MROH2A: variants seen among roughly 807,000 people sequenced by gnomAD.
MROH2A encodes maestro heat-like repeat-containing protein family member 2A.
A neutral mutation model predicts 200.4 loss-of-function variants in MROH2A; 174 were observed. The observed-to-expected ratio is 0.87, with a 90% CI of 0.77 to 0.98. The LOEUF is 0.98. MROH2A is among the 50% of genes least tolerant of loss of function. The pLI is 0.00. For missense variants in MROH2A, 2,045 were observed against 2,139.6 expected (o/e 0.96, Z 0.87); for synonymous variants, 829 against 840.4 (o/e 0.99, Z 0.23).
chr2:233,833,080 C>T (rs1375237239), intron 41 of MROH2A, 58 bp from the exon 42 acceptor site: 9 of 1,473,986 alleles, frequency 6.1e-6, no homozygotes, highest in Non-Finnish European at 8.1e-6. Flanking sequence ...CCAGGGCATG[C>T]AGCATGTGGT....
At chr2:233,784,894 T>A (rs1701118996) in intron 3 of MROH2A, among the ~76,000 whole-genome samples, 1 of 151,938 alleles carries the variant, frequency 6.6e-6, no homozygotes, top group Non-Finnish European at 1.5e-5. Context: ...TCATGCCACT[T>A]TGGGAGCACT....
At position 233,779,859 on chromosome 2, in the gene MROH2A, C is replaced by CCAAGG; in HGVS notation, c.276+9_276+10insAGGCA. ...CTGCCTGCAGGTGCCAGAGGTAGGG[C>CCAAGG]CATCTTACCCACTGGGCTCAGCCAC... On this transcript the variant is annotated splice_region_variant and intron_variant, in intron 3 of 41. Coordinates refer to ENST00000389758, the MANE Select transcript of MROH2A (RefSeq NM_001394639.1). The CCAAGG allele has an allele frequency of 6.5e-7, 1 of 1,547,734 alleles. No homozygotes were observed. The highest frequency in any genetic ancestry group is 8.7e-7 in the Non-Finnish European group (1 of 1,145,842).
chr2:233,779,541 C>A, intron 2 of MROH2A, 89 bp downstream of exon 2: 1 of 1,399,222 alleles, frequency 7.1e-7, no homozygotes, highest in Non-Finnish European at 9.9e-7. Context: ...TCCCTTTCTC[C>A]ATCTGCACAG....
At chr2:233,823,084 G>T (rs969250277) in intron 34 of MROH2A, 66 bp downstream of exon 34, 10 of 1,513,512 alleles carry the variant, frequency 6.6e-6, no homozygotes, top group African/African-American at 1.4e-5. Context: ...GGATGGAAGG[G>T]CTCCTTGTGA....
Position 233,779,667 on chromosome 2 carries a change from A to T in MROH2A, c.95-4A>T. On this transcript the variant is annotated splice_polypyrimidine_tract_variant and splice_region_variant and intron_variant, in intron 2 of 41. Coordinates refer to ENST00000389758, the MANE Select transcript of MROH2A (RefSeq NM_001394639.1). ...CTGCACCTGGGTGGCGTTTGTTTTCATAGGTACCTTTCAACAAGTCGTGAA... is the reference window on the plus strand; with the variant it reads ...CTGCACCTGGGTGGCGTTTGTTTTCTTAGGTACCTTTCAACAAGTCGTGAA... The T allele has an allele frequency of 6.4e-7, 1 of 1,550,926 alleles. No individual in the cohort carries two copies.
rs910385302 is a variant in MROH2A, at chr2:233,818,731, T to G, written c.3165T>G (p.Asp1055Glu). ...GTAAGGGGGACCTCCAGAGCACAGA[T>G]GTGGAGAAGATCTTCTGTGCATCCT... ...EKCKGDLQST[D>E]VEKIFCASSR... The change falls in exon 29 of 42, where the codon GAT (aspartate) becomes GAG (glutamate). Residue 1055 changes from aspartate (D) to glutamate (E), a missense_variant. By Grantham distance (45) the Asp-to-Glu change is conservative. Coordinates refer to ENST00000389758, the MANE Select transcript of MROH2A (RefSeq NM_001394639.1). 6.5e-7 allele frequency: 1 copy of G among 1,549,478 alleles called. No individual in the cohort carries two copies. Among genetic ancestry groups the G allele is most frequent in the Non-Finnish European group, 8.7e-7 (1 of 1,146,252 alleles).
chr2:233,801,064 A>G (rs1048074522), intron 14 of MROH2A, among the ~76,000 whole-genome samples: 3 of 152,224 alleles, frequency 2.0e-5, no homozygotes, highest in African/African-American at 7.2e-5. Flanking sequence ...TTATCCCAGC[A>G]ACTACCTGCA....
chr2:233,801,322 G>A (rs1236306078), intron 14 of MROH2A, among the ~76,000 whole-genome samples: 1 of 152,032 alleles, frequency 6.6e-6, no homozygotes, highest in African/African-American at 2.4e-5. Flanking sequence ...CTAGGGGTGG[G>A]GGTGGGGTGG....
chr2:233,805,668 GT>G (rs1702746309), intron 19 of MROH2A, among the ~76,000 whole-genome samples: 1 of 152,146 alleles, frequency 6.6e-6, no homozygotes, highest in African/African-American at 2.4e-5. Flanking sequence ...CACAACTGCA[GT>G]AAAACTCCTT....
chr2:233,808,154 T>G (rs774339919), intron 21 of MROH2A, among the ~76,000 whole-genome samples: 2 of 152,102 alleles, frequency 1.3e-5, no homozygotes, highest in Non-Finnish European at 2.9e-5. Flanking sequence ...TGGGTGCTGA[T>G]TGGAAATGTA....
At chr2:233,798,899 A>C in intron 12 of MROH2A, 49 bp downstream of exon 12, 1 of 1,427,028 alleles carries the variant, frequency 7.0e-7, no homozygotes, top group South Asian at 1.2e-5. Context: ...GGACCCTGCC[A>C]GGGAGGCAAA....
intron 26 of MROH2A, among the ~76,000 whole-genome samples, chr2:233,815,058 A>G (rs1300953305): frequency 6.6e-6 from 1 of 152,186 alleles, no homozygotes; most frequent in Non-Finnish European, 1.5e-5. Flanking sequence ...GATGGCCCAT[A>G]TTCAAATTTC....
At chr2:233,808,382 C>T (rs1702940148) in intron 21 of MROH2A, among the ~76,000 whole-genome samples, 1 of 152,218 alleles carries the variant, frequency 6.6e-6, no homozygotes, top group Admixed American at 6.5e-5. Context: ...GCCCATGGCC[C>T]TATCCTCTGG....
At position 233,800,234 on chromosome 2, in the gene MROH2A, G is replaced by A. The variant is rs758857468; in HGVS notation, c.1479G>A (p.Arg493=). ...LTNRREKFYQ[R]DLEERMVHKV... Reference sequence around the variant, plus strand: ...ATCGCCGGGAGAAGTTTTATCAGAGGGACTTGGAGGAGAGGATGGTCCACA... The same window carrying A: ...ATCGCCGGGAGAAGTTTTATCAGAGAGACTTGGAGGAGAGGATGGTCCACA... Residue 493 remains arginine (R), a synonymous_variant, in exon 14 of 42, where the codon AGG becomes AGA. Transcript: ENST00000389758. 2 of 1,549,812 alleles carry A rather than the reference G, an allele frequency of 1.3e-6. No individual in the cohort carries two copies. The highest frequency in any genetic ancestry group is 4.9e-5 in the East Asian group (2 of 40,912).
In MROH2A at chr2:233,818,138, A is replaced by G. The variant is rs1456420695; in HGVS notation, c.3085+13A>G. The G allele has an allele frequency of 3.9e-6, 6 of 1,549,790 alleles. No individual in the cohort carries two copies. Among genetic ancestry groups the G allele is most frequent in the Admixed American group, 2.0e-5 (1 of 50,990 alleles). On this transcript the variant is annotated intron_variant, in intron 28 of 41. Transcript: ENST00000389758. ...CTAGATCTTCACGGTATGAGAGGGC[A>G]GGACATGAGGACCAGCTCCTCTGGG...
rs1054026721 is a variant in MROH2A, at chr2:233,814,692, G to A, written c.2856+15G>A. Reference sequence around the variant, plus strand: ...AGATGGTGCAGGTGAGTTGCCTGGTGGCGGGCCAGAGCCAGGGATGGCCAC... The same window carrying A: ...AGATGGTGCAGGTGAGTTGCCTGGTAGCGGGCCAGAGCCAGGGATGGCCAC... On this transcript the variant is annotated intron_variant, in intron 26 of 41. Coordinates refer to ENST00000389758, the MANE Select transcript of MROH2A (RefSeq NM_001394639.1). 1.0e-5 allele frequency: 16 copies of A among 1,544,178 alleles called. No individual in the cohort carries two copies. The East Asian group carries it at 3.9e-4, about 38-fold the overall frequency.
rs1251907732 is a variant in MROH2A at position 233,794,444 on chromosome 2, G to T, written c.904G>T (p.Asp302Tyr). The T allele has an allele frequency of 1.9e-6, 3 of 1,550,502 alleles. No homozygotes were observed. Among genetic ancestry groups the T allele is most frequent in the Non-Finnish European group, 2.6e-6 (3 of 1,146,936 alleles). ...PNDDLREQVYDYIPLLLAEYQ... is the reference protein window; with the variant it reads ...PNDDLREQVYYYIPLLLAEYQ... Reference sequence around the variant, plus strand: ...CGATGACCTGCGGGAGCAGGTCTACGACTACATCCCCCTGCTGCTGGCGGA... The same window carrying T: ...CGATGACCTGCGGGAGCAGGTCTACTACTACATCCCCCTGCTGCTGGCGGA... The change falls in exon 8 of 42, where the codon GAC becomes TAC. Residue 302 changes from aspartate to tyrosine, a missense_variant. Around this residue, in one of 3 missense-constraint regions of MROH2A, gnomAD observed 831 missense variants for 800.0 expected, o/e 1.04. Transcript: ENST00000389758.
intron 10 of MROH2A, 74 bp from the exon 11 acceptor site, chr2:233,796,126 T>C: frequency 6.6e-7 from 1 of 1,510,158 alleles, no homozygotes; most frequent in South Asian, 1.2e-5. Flanking sequence ...CTCTGAGCGC[T>C]GGGCCTGGGA....
intron 8 of MROH2A, among the ~76,000 whole-genome samples, chr2:233,795,182 C>T (rs920808914): frequency 6.6e-6 from 1 of 152,182 alleles, no homozygotes; most frequent in Admixed American, 6.5e-5. Context: ...CTCAAGGCAG[C>T]CTTGGTAGAG....
Sources: allele counts gnomAD v4.1 joint callset (sites outside exome capture counted in the v4.1 genomes callset), GRCh38; gene constraint gnomAD v4.1.1; regional missense constraint gnomAD v4.1.1; transcripts MANE v1.5; gene names NCBI Gene and HGNC (gene_info 2026-07-23, HGNC 2026-07-21).